Variants in CACNA1A observed in about 807,000 individuals in gnomAD.
CACNA1A encodes calcium voltage-gated channel subunit alpha1 A.
In CACNA1A, 57 loss-of-function variants were observed where a neutral mutation model predicts 262.4. The ratio of observed to expected loss-of-function variants is 0.22; its 90% CI spans 0.18 to 0.27. CACNA1A has a LOEUF of 0.27. CACNA1A is among the 10% of genes least tolerant of loss of function. CACNA1A has a pLI of 1.00. For missense variants in CACNA1A, 2,526 were observed against 3,562.8 expected, an observed-to-expected ratio of 0.71 and a Z score of 7.41; for synonymous variants, 1,431 against 1,419.3, an observed-to-expected ratio of 1.01 and a Z score of -0.18.
At chr19:13,272,110 A>G (rs948212025) in intron 24 of CACNA1A, 1 of 152,316 alleles carries the variant, frequency 6.6e-6, no homozygotes, top group African/African-American at 2.4e-5. Context: ...TATGTCAGCT[A>G]CAACAGAGGT....
intron 1 of CACNA1A, among the ~76,000 whole-genome samples, chr19:13,471,970 A>C (rs1211827340): frequency 6.6e-6 from 1 of 152,164 alleles, no homozygotes; most frequent in African/African-American, 2.4e-5. Context: ...CAATACAAAA[A>C]TTATTTTATT....
intron 3 of CACNA1A, chr19:13,451,787 A>T (rs986379568): frequency 6.6e-6 from 1 of 152,178 alleles, no homozygotes; most frequent in African/African-American, 2.4e-5. Context: ...AAGAGCCACA[A>T]TATGGCAAGG....
intron 10 of CACNA1A, among the ~76,000 whole-genome samples, chr19:13,321,794 AGTT>A (rs1246743597): frequency 6.6e-6 from 1 of 152,098 alleles, no homozygotes; most frequent in Non-Finnish European, 1.5e-5. Context: ...TGAGGGAGTG[AGTT>A]GAGTGGTGAG....
chr19:13,454,650 G>C (rs140201950), intron 2 of CACNA1A, among the ~76,000 whole-genome samples: 1 of 152,242 alleles, frequency 6.6e-6, no homozygotes, highest in Non-Finnish European at 1.5e-5. Context: ...GGGATTACAG[G>C]CATGAGCTAC....
intron 3 of CACNA1A, among the ~76,000 whole-genome samples, chr19:13,376,189 T>C (rs2059402224): frequency 6.6e-6 from 1 of 152,190 alleles, no homozygotes; most frequent in Admixed American, 6.6e-5. Context: ...CTAGCTGAGA[T>C]TATTAATGAA....
intron 1 of CACNA1A, among the ~76,000 whole-genome samples, chr19:13,483,872 TATA>T (rs1475712034): frequency 6.6e-6 from 1 of 152,132 alleles, no homozygotes; most frequent in African/African-American, 2.4e-5. Context: ...CATAGGTAAA[TATA>T]ATGAGTCCAC....
intron 10 of CACNA1A, among the ~76,000 whole-genome samples, chr19:13,328,567 A>T (rs1465102332): frequency 5.9e-5 from 9 of 152,178 alleles, no homozygotes; most frequent in African/African-American, 2.2e-4. Flanking sequence ...TCTTTGAATA[A>T]TGAGTTGAAA....
At chr19:13,378,562 C>A (rs2059456619) in intron 3 of CACNA1A, among the ~76,000 whole-genome samples, 1 of 152,162 alleles carries the variant, frequency 6.6e-6, no homozygotes, top group Admixed American at 6.5e-5. Context: ...CAGCACCCAT[C>A]AACACTGAGC....
chr19:13,481,046 C>T (rs1979238281), intron 1 of CACNA1A, among the ~76,000 whole-genome samples: 2 of 152,110 alleles, frequency 1.3e-5, no homozygotes, highest in South Asian at 2.1e-4. Flanking sequence ...CTCTCTGTTT[C>T]GGTTTTCTCT....
chr19:13,305,590 T>C (rs1451415791), intron 15 of CACNA1A, among the ~76,000 whole-genome samples: 2 of 152,162 alleles, frequency 1.3e-5, no homozygotes, highest in Non-Finnish European at 2.9e-5. Flanking sequence ...GTCCTGTGCA[T>C]TGTAGGATAT....
At chr19:13,331,544 AACCAGTTTTCTAAAGTAT>A (rs1383232149) in intron 9 of CACNA1A, among the ~76,000 whole-genome samples, 3 of 152,030 alleles carry the variant, frequency 2.0e-5, no homozygotes, top group Non-Finnish European at 1.5e-5. Flanking sequence ...GCCCCTGTCT[AACCAGTTTTCTAAAGTAT>A]GAGAAGATAA....
intron 3 of CACNA1A, among the ~76,000 whole-genome samples, chr19:13,432,987 C>T (rs1364152914): frequency 6.6e-6 from 1 of 150,460 alleles, no homozygotes; most frequent in African/African-American, 2.5e-5. Flanking sequence ...AGCAAGACCC[C>T]GCCTTTATAA....
At chr19:13,481,354 C>G (rs80054569) in intron 1 of CACNA1A, among the ~76,000 whole-genome samples, 84 of 152,346 alleles carry the variant, frequency 5.5e-4, no homozygotes, top group African/African-American at 2.0e-3. Context: ...CCTCTCACCT[C>G]ATTGTCCTAG....
In CACNA1A at chr19:13,214,374, C is replaced by G. The variant is rs761332254; in HGVS notation, c.5840-41G>C. 2 of 1,596,448 alleles carry G rather than the reference C, an allele frequency of 1.3e-6. No homozygotes were observed. Among genetic ancestry groups the G allele is most frequent in the Non-Finnish European group, 1.7e-6 (2 of 1,166,512 alleles). ...CGGTGAGCTCACCAAGGGCAGGCCTCTTTGGGGCCCTTGTCCTGGGTCCCT... is the reference window on the plus strand; with the variant it reads ...CGGTGAGCTCACCAAGGGCAGGCCTGTTTGGGGCCCTTGTCCTGGGTCCCT... On this transcript the variant is annotated intron_variant, in intron 39 of 46. Transcript: ENST00000360228. This position sits in a 1 kb window ranked among gnomAD's most constrained non-coding sequence, Gnocchi z 4.1.
intron 3 of CACNA1A, among the ~76,000 whole-genome samples, chr19:13,381,107 G>A (rs1423592580): frequency 6.6e-6 from 1 of 152,126 alleles, no homozygotes. Context: ...TAGACCTGCT[G>A]GGCACAAAAG....
Position 13,262,837 on chromosome 19 carries a change from T to A in CACNA1A, c.3990-4A>T, listed in dbSNP as rs753469829. 12 of 1,598,642 alleles carry A rather than the reference T, an allele frequency of 7.5e-6. No homozygotes were observed. The Middle Eastern group carries it at 6.6e-4, about 88-fold the overall frequency. ...GTCTTTTCCTTTGCTATTGCCACTG[T>A]GGAGGAATGTTTAGGTGGGAAGAAG... On this transcript the variant is annotated splice_polypyrimidine_tract_variant and splice_region_variant and intron_variant, in intron 24 of 46. Transcript: ENST00000360228.
intron 1 of CACNA1A, among the ~76,000 whole-genome samples, chr19:13,455,924 T>C (rs1015453788): frequency 6.9e-6 from 1 of 145,844 alleles, no homozygotes; most frequent in Non-Finnish European, 1.5e-5. Context: ...CTGCGGTGGG[T>C]GGATCACTTG....
In CACNA1A at chr19:13,207,553, C is replaced by A; in HGVS notation, c.7281G>T (p.Glu2427Asp). The A allele has an allele frequency of 6.8e-7, 1 of 1,461,150 alleles. No homozygotes were observed. 90.5% of individuals were successfully genotyped at this position (1,461,150 alleles called of 1,614,324 possible). A position where few individuals can be genotyped will look rare whatever the true frequency, so the allele number is the denominator to read the frequency against. Reference protein sequence around the residue: ...EADGPGSGGGEEAMAGAYDAP... With the variant: ...EADGPGSGGGDEAMAGAYDAP... Reference sequence around the variant, plus strand: ...CGTCGTAGGCCCCGGCCATGGCCTCCTCGCCGCCCCCGCTGCCCGGGCCAT... The same window carrying A: ...CGTCGTAGGCCCCGGCCATGGCCTCATCGCCGCCCCCGCTGCCCGGGCCAT... Residue 2427 changes from glutamate to aspartate, a missense_variant, in exon 47 of 47, where the codon GAG (glutamate) becomes GAT (aspartate). Physicochemically the swap from Glu to Asp is conservative, Grantham distance 45 (BLOSUM62 2). Around this residue, in one of 17 missense-constraint regions of CACNA1A, gnomAD observed 929 missense variants for 868.1 expected, o/e 1.07. Transcript: ENST00000360228. This position sits in a 1 kb window ranked among gnomAD's most constrained non-coding sequence, Gnocchi z 5.7.
rs567706914 is a variant in CACNA1A at position 13,375,391 on chromosome 19, T to C, written c.540-3612A>G. ...TATTGAAATTAGGTCAGTGTATAACTGTACAATGGCCTTTAAGTGCTCAAG... is the reference window on the plus strand; with the variant it reads ...TATTGAAATTAGGTCAGTGTATAACCGTACAATGGCCTTTAAGTGCTCAAG... On this transcript the variant is annotated intron_variant, in intron 3 of 46. Coordinates refer to ENST00000360228, the MANE Select transcript of CACNA1A (RefSeq NM_001127222.2). Among the ~76,000 whole-genome samples the C allele has an allele frequency of 7.2e-5, 11 of 152,224 alleles. 1 individual carries two copies. The highest frequency in any genetic ancestry group is 2.4e-4 in the African/African-American group (10 of 41,556).
Sources: gnomAD v4.1 joint callset for allele counts (sites outside exome capture counted in the v4.1 genomes callset) on GRCh38, gnomAD v4.1.1 for gene constraint, gnomAD v4.1.1 regional missense constraint, Gnocchi (gnomAD v3.1) non-coding constraint, MANE v1.5 for transcripts, NCBI Gene and HGNC (gene_info 2026-07-23, HGNC 2026-07-21) for gene names.